Variants in RPGRIP1L observed in about 807,000 individuals in gnomAD.
RPGRIP1L encodes the protein RPGRIP1 like.
Under a neutral mutation model 160.4 loss-of-function variants are expected in RPGRIP1L, and 131 were observed. The observed-to-expected ratio is 0.82, with a 90% CI of 0.71 to 0.94. RPGRIP1L has a LOEUF of 0.94. Ranked by LOEUF, RPGRIP1L falls within the 40% of genes least tolerant of loss-of-function variation. The probability of loss-of-function intolerance (pLI) is 0.00; values close to 1 mark genes in which losing one functional copy is unlikely to be tolerated. For missense variants in RPGRIP1L, 1,522 were observed against 1,535.8 expected (o/e 0.99, Z 0.15); for synonymous variants, 510 against 515.8 (o/e 0.99, Z 0.15).
intron 9 of RPGRIP1L, among the ~76,000 whole-genome samples, chr16:53,667,848 G>C (rs1968399383): frequency 6.6e-6 from 1 of 151,862 alleles, no homozygotes; most frequent in Non-Finnish European, 1.5e-5. Flanking sequence ...GCTCCAGCCT[G>C]GGTGACAGGG....
intron 4 of RPGRIP1L, among the ~76,000 whole-genome samples, chr16:53,689,131 A>G (rs1598405954): frequency 6.6e-6 from 1 of 151,026 alleles, no homozygotes; most frequent in East Asian, 1.9e-4. Flanking sequence ...GATACATAAT[A>G]TTTGTACATA....
chr16:53,686,549 GC>G lies in RPGRIP1L; in HGVS notation c.659del (p.Gly220AlafsTer3). 6.2e-7 allele frequency: 1 copy of G among 1,613,438 alleles called. No homozygotes were observed. Among genetic ancestry groups the G allele is most frequent in the Non-Finnish European group, 8.5e-7 (1 of 1,179,680 alleles). The part of the protein sequence containing the change: ...NLENVIQSQR[G>X]QIEELEHLAE... ...CCAAGTGCTCTAACTCCTCTATCTG[GC>G]CTCTTTGTGACTGAATAACGTTTTC... On this transcript the variant is annotated frameshift_variant, in exon 6 of 27. Transcript: ENST00000647211. LOFTEE classifies it high-confidence loss of function.
At chr16:53,657,915 G>A (rs1042208745) in intron 12 of RPGRIP1L, among the ~76,000 whole-genome samples, 3 of 152,028 alleles carry the variant, frequency 2.0e-5, no homozygotes, top group Non-Finnish European at 2.9e-5. Context: ...AAAGAATCAT[G>A]TACATTTATT....
chr16:53,616,055 T>G (rs886086153), intron 24 of RPGRIP1L, among the ~76,000 whole-genome samples: 6 of 152,226 alleles, frequency 3.9e-5, no homozygotes, highest in Non-Finnish European at 8.8e-5. Context: ...TTGTACAGAT[T>G]CAAGTCACAA....
chr16:53,653,684 C>T (rs1016811352), intron 14 of RPGRIP1L, among the ~76,000 whole-genome samples: 2 of 152,170 alleles, frequency 1.3e-5, no homozygotes, highest in Admixed American at 1.3e-4. Context: ...CTCTGCTTCT[C>T]CTCCTATCCT....
Position 53,622,332 on chromosome 16 carries a change from C to T in RPGRIP1L, c.3319G>A (p.Gly1107Arg). ...TGAGCTGAGATCGCGCTACTGCACC[C>T]CAGCCCGGGAGACAATGCGAGACTC... ...KQSLALSPGL[G>R]CSSAISAHCN... is the part of the protein sequence containing the mutation. The change falls in exon 23 of 27, where the codon GGG (glycine) becomes AGG (arginine). Residue 1107 changes from glycine (G) to arginine (R), a missense_variant. By Grantham distance (125) the Gly-to-Arg change is moderately radical. Transcript: ENST00000647211. The T allele has an allele frequency of 1.6e-6, 1 of 640,644 alleles. No homozygotes were observed. Among genetic ancestry groups the T allele is most frequent in the Non-Finnish European group, 2.8e-6 (1 of 350,902 alleles). The allele number at this position is 640,644 out of a possible 1,614,324, so 39.7% of individuals were successfully genotyped here.
chr16:53,642,318 G>A (rs907195720), intron 17 of RPGRIP1L, among the ~76,000 whole-genome samples: 1 of 151,846 alleles, frequency 6.6e-6, no homozygotes, highest in African/African-American at 2.4e-5. Flanking sequence ...CTCAGCCTCC[G>A]GAGTAGCTGG....
chr16:53,633,348 C>A (rs1422777064), intron 22 of RPGRIP1L, among the ~76,000 whole-genome samples: 1 of 152,138 alleles, frequency 6.6e-6, no homozygotes, highest in East Asian at 1.9e-4. Flanking sequence ...TACCAAAATG[C>A]ATAACTGGAA....
At chr16:53,689,855 C>G (rs1158779125) in intron 4 of RPGRIP1L, among the ~76,000 whole-genome samples, 2 of 152,126 alleles carry the variant, frequency 1.3e-5, no homozygotes, top group Non-Finnish European at 2.9e-5. Context: ...CTATCCTGAA[C>G]AGTGAGAAAG....
At chr16:53,610,123 G>A (rs991431284) in intron 25 of RPGRIP1L, among the ~76,000 whole-genome samples, 8 of 151,994 alleles carry the variant, frequency 5.3e-5, no homozygotes, top group African/African-American at 1.9e-4. Context: ...CGGCCAGCAA[G>A]GGGCACTGGA....
chr16:53,670,572 A>G (rs1968631689), intron 9 of RPGRIP1L, among the ~76,000 whole-genome samples: 1 of 152,168 alleles, frequency 6.6e-6, no homozygotes, highest in Non-Finnish European at 1.5e-5. Flanking sequence ...AGAAGGGATT[A>G]ATTTCTAAAA....
chr16:53,687,814 CATT>C (rs769142935), intron 5 of RPGRIP1L, 46 bp downstream of exon 5: 14 of 1,094,682 alleles, frequency 1.3e-5, no homozygotes, highest in Middle Eastern at 2.2e-4. Context: ...AAAAAAAAGA[CATT>C]ATCAATAACC....
chr16:53,621,952 G>C (rs1010661945), intron 23 of RPGRIP1L, among the ~76,000 whole-genome samples: 2 of 148,968 alleles, frequency 1.3e-5, no homozygotes, highest in African/African-American at 5.0e-5. Flanking sequence ...GAACCCAGGG[G>C]GCGGAGCTTG....
intron 13 of RPGRIP1L, 68 bp downstream of exon 13, chr16:53,657,385 G>A (rs1967351905): frequency 4.7e-6 from 5 of 1,061,648 alleles, no homozygotes; most frequent in Non-Finnish European, 7.2e-6. Context: ...ATAACATACA[G>A]TATTTAGAAA....
At chr16:53,649,163 AATAG>A (rs1208261436) in intron 15 of RPGRIP1L, 48 bp from the exon 16 acceptor site, 8 of 1,511,590 alleles carry the variant, frequency 5.3e-6, no homozygotes, top group South Asian at 3.4e-5. Flanking sequence ...CATACATTAA[AATAG>A]ATAGCAGTAA....
chr16:53,645,633 C>T lies in RPGRIP1L; in HGVS notation c.2675G>A (p.Cys892Tyr). 1.9e-6 allele frequency: 3 copies of T among 1,613,458 alleles called. No homozygotes were observed. The highest frequency in any genetic ancestry group is 1.7e-6 in the Non-Finnish European group (2 of 1,179,882). Residue 892 changes from cysteine (C) to tyrosine (Y), a missense_variant, in exon 17 of 27, where the codon TGT becomes TAT. Transcript: ENST00000647211. ...CAAAAACATAGGCTTACCTGAGATA[C>T]ACCTGTCATGTGCCAACGAAATCAG... ...VPLISLAHDR[C>Y]ISGIFELTDH...
chr16:53,702,388 T>C (rs780252257), intron 1 of RPGRIP1L, among the ~76,000 whole-genome samples: 1 of 152,192 alleles, frequency 6.6e-6, no homozygotes, highest in Non-Finnish European at 1.5e-5. Context: ...TTAGGAGACA[T>C]AATAATGAAT....
At chr16:53,616,040 C>G (rs949154111) in intron 24 of RPGRIP1L, among the ~76,000 whole-genome samples, 2 of 152,174 alleles carry the variant, frequency 1.3e-5, no homozygotes, top group Non-Finnish European at 2.9e-5. Context: ...ACATACAAGT[C>G]TCTTTTGTAC....
At chr16:53,615,297 C>T (rs1230597828) in intron 24 of RPGRIP1L, among the ~76,000 whole-genome samples, 2 of 151,938 alleles carry the variant, frequency 1.3e-5, no homozygotes, top group African/African-American at 4.8e-5. Context: ...TTCAGACCTA[C>T]CATTAATCTT....
Sources: allele counts gnomAD v4.1 joint callset (sites outside exome capture counted in the v4.1 genomes callset), GRCh38; gene constraint gnomAD v4.1.1; transcripts MANE v1.5; gene names NCBI Gene and HGNC (gene_info 2026-07-23, HGNC 2026-07-21).